ACACA: variants seen among roughly 807,000 people sequenced by gnomAD.
ACACA encodes acetyl-CoA carboxylase alpha, also known as acetyl-CoA carboxylase 1.
ACACA carries 103 observed loss-of-function variants against 296.1 expected under a neutral mutation model. The observed-to-expected ratio is 0.35, with a 90% CI of 0.30 to 0.41. The LOEUF is 0.41. Among genes scored for constraint, ACACA ranks in the 10% least tolerant of loss-of-function variants. The pLI is 1.00. For synonymous variants in ACACA, 953 were observed against 1,038.6 expected (o/e 0.92, Z 1.58); for missense variants, 1,554 against 2,989.7 (o/e 0.52, Z 11.20).
chr17:37,369,971 G>T (rs2049742299), intron 1 of ACACA, among the ~76,000 whole-genome samples: 1 of 149,596 alleles, frequency 6.7e-6, no homozygotes, highest in Non-Finnish European at 1.5e-5. Context: ...CTCCCAAAGT[G>T]CTGGGATTAC....
At chr17:37,297,690 A>G (rs2083420875) in intron 3 of ACACA, among the ~76,000 whole-genome samples, 1 of 151,736 alleles carries the variant, frequency 6.6e-6, no homozygotes, top group Non-Finnish European at 1.5e-5. Flanking sequence ...AGATGAGACT[A>G]CAGGTGCCTG....
At position 37,087,226 on chromosome 17, in the gene ACACA, T is replaced by A. The variant is rs779304055; in HGVS notation, c.*90A>T. On this transcript the variant is annotated 3_prime_UTR_variant, in exon 56 of 56. Transcript: ENST00000616317. ...CATTTGACTCCAGTGCTGGGTCTCC[T>A]GTGCCTTCTCATTACAGTGGTTACA... The A allele has an allele frequency of 1.6e-5, 25 of 1,570,678 alleles. No individual in the cohort carries two copies. Among genetic ancestry groups the A allele is most frequent in the Non-Finnish European group, 2.1e-5 (24 of 1,143,432 alleles).
chr17:37,273,021 A>G (rs925129592), intron 9 of ACACA, among the ~76,000 whole-genome samples: 2 of 152,218 alleles, frequency 1.3e-5, no homozygotes, highest in African/African-American at 4.8e-5. Flanking sequence ...GTCGATAAGC[A>G]AAATAGCTAG....
At chr17:37,233,562 C>T (rs933581502) in intron 25 of ACACA, among the ~76,000 whole-genome samples, 2 of 152,110 alleles carry the variant, frequency 1.3e-5, no homozygotes, top group Non-Finnish European at 2.9e-5. Flanking sequence ...AATTAGCTTC[C>T]TATAAAGGCA....
intron 51 of ACACA, among the ~76,000 whole-genome samples, 172 bp downstream of exon 51, chr17:37,112,916 A>T (rs2074056156): frequency 6.6e-6 from 1 of 152,166 alleles, no homozygotes; most frequent in Non-Finnish European, 1.5e-5. Flanking sequence ...CATGGTCTTC[A>T]GCTTCCTGAA....
rs1712497233 is a variant in ACACA, at chr17:37,173,995, TA to T, written c.5079+5264del. On this transcript the variant is annotated intron_variant, in intron 41 of 55. Transcript: ENST00000616317. ...CGCCTGGCTAATTTATATATATATA[TA>T]TATATATATATATATATATATATAT... Among the ~76,000 whole-genome samples, 31 of 9,326 alleles carry T rather than the reference TA, an allele frequency of 3.3e-3. 3 individuals are homozygous for T. The highest frequency in any genetic ancestry group is 0.015 in the African/African-American group (25 of 1,642). 6.1% of individuals were successfully genotyped at this position (9,326 alleles called of 152,430 possible). A position where few individuals can be genotyped will look rare whatever the true frequency, so the allele number is the denominator to read the frequency against.
chr17:37,125,209 G>A (rs2074720995), intron 48 of ACACA, among the ~76,000 whole-genome samples: 1 of 146,524 alleles, frequency 6.8e-6, no homozygotes, highest in South Asian at 2.4e-4. Context: ...TTTTACTCCT[G>A]TTTCAGGTAA....
In ACACA at chr17:37,178,568, C is replaced by T. The variant is rs148010714; in HGVS notation, c.5079+692G>A. On this transcript the variant is annotated intron_variant, in intron 41 of 55. Coordinates refer to ENST00000616317, the MANE Select transcript of ACACA (RefSeq NM_198834.3). ...GCACACCTAAAATCCCAGCACTTTT[C>T]GGGGCTGAGGCAGGCAGATTGCTTG... 9.2e-5 allele frequency among the ~76,000 whole-genome samples: 14 copies of T among 152,208 alleles called. No homozygotes were observed. In the East Asian group the frequency reaches 2.1e-3, roughly 23 times the overall value.
intron 1 of ACACA, among the ~76,000 whole-genome samples, chr17:37,347,695 G>C (rs954515981): frequency 1.3e-5 from 2 of 148,232 alleles, no homozygotes; most frequent in South Asian, 4.2e-4. Flanking sequence ...TTGAGTCCAG[G>C]AGTTCCAGAC....
intron 3 of ACACA, among the ~76,000 whole-genome samples, chr17:37,303,829 G>A (rs1181367687): frequency 1.3e-5 from 2 of 152,204 alleles, no homozygotes; most frequent in Non-Finnish European, 2.9e-5. Context: ...TTGCATTCCA[G>A]CCTGGGCAAC....
rs1377101785 is a variant in ACACA, at chr17:37,191,042, G to T, written c.4572+78C>A. ...CTGAACAAGGAGTACCTGTTTCCAA[G>T]TCCAAGTGAGATAAATATGAATGAA... On this transcript the variant is annotated intron_variant, in intron 38 of 55. Coordinates refer to ENST00000616317, the MANE Select transcript of ACACA (RefSeq NM_198834.3). 10 of 1,540,076 alleles carry T rather than the reference G, an allele frequency of 6.5e-6. No individual in the cohort carries two copies. In the East Asian group the frequency reaches 1.6e-4, roughly 24 times the overall value.
At chr17:37,142,073 GGTTGT>G (rs2075612945) in intron 45 of ACACA, among the ~76,000 whole-genome samples, 1 of 151,152 alleles carries the variant, frequency 6.6e-6, no homozygotes, top group Non-Finnish European at 1.5e-5. Flanking sequence ...ATTCATAATA[GGTTGT>G]CAAACATGAT....
chr17:37,120,093 A>G (rs2074454795), intron 50 of ACACA, among the ~76,000 whole-genome samples: 1 of 151,806 alleles, frequency 6.6e-6, no homozygotes, highest in South Asian at 2.1e-4. Context: ...GGGTTTCACT[A>G]TGTTGGACAG....
chr17:37,151,473 GC>G, intron 43 of ACACA, 52 bp from the exon 44 acceptor site: 1 of 1,605,794 alleles, frequency 6.2e-7, no homozygotes. Flanking sequence ...GTAACAACAA[GC>G]CATTAAAAGA....
chr17:37,091,640 C>G (rs975614075), intron 54 of ACACA, among the ~76,000 whole-genome samples: 4 of 152,098 alleles, frequency 2.6e-5, no homozygotes, highest in Admixed American at 2.6e-4. Flanking sequence ...AGTACAGTGG[C>G]ATGATCACAG....
At chr17:37,250,042 C>T (rs938954082) in intron 16 of ACACA, among the ~76,000 whole-genome samples, 3 of 152,204 alleles carry the variant, frequency 2.0e-5, no homozygotes, top group Non-Finnish European at 4.4e-5. Context: ...TGCCTTCCGC[C>T]ATGATTGTGA....
chr17:37,261,900 G>A (rs933653928), intron 11 of ACACA, among the ~76,000 whole-genome samples: 1 of 152,068 alleles, frequency 6.6e-6, no homozygotes, highest in Admixed American at 6.6e-5. Context: ...TGAAGGCAGG[G>A]GATATAATAC....
At chr17:37,376,002 G>A in intron 1 of ACACA, 1 of 1,111,624 alleles carries the variant, frequency 9.0e-7, no homozygotes, top group African/African-American at 1.5e-5. Context: ...GGTTCCAGCT[G>A]CGTGTGGTGA....
At chr17:37,286,363 G>T (rs1185370398) in intron 3 of ACACA, among the ~76,000 whole-genome samples, 1 of 152,108 alleles carries the variant, frequency 6.6e-6, no homozygotes, top group Non-Finnish European at 1.5e-5. Context: ...CAGCTTCAGT[G>T]TTCTCTTTGT....
Sources: allele counts gnomAD v4.1 joint callset (sites outside exome capture counted in the v4.1 genomes callset), GRCh38; gene constraint gnomAD v4.1.1; transcripts MANE v1.5; gene names NCBI Gene and HGNC (gene_info 2026-07-23, HGNC 2026-07-21).